Variants in SPAG5 observed in about 807,000 individuals in gnomAD.
The protein encoded by SPAG5 is sperm-associated antigen 5.
Under a neutral mutation model 145.4 loss-of-function variants are expected in SPAG5, and 99 were observed. The observed-to-expected ratio is 0.68, with a 90% confidence interval of 0.58 to 0.80. The LOEUF is 0.80. SPAG5 is among the 30% of genes least tolerant of loss of function. The pLI is 0.00. For missense variants in SPAG5, 1,192 were observed against 1,416.0 expected, an observed-to-expected ratio of 0.84 and a Z score of 2.54; for synonymous variants, 477 against 525.4, an observed-to-expected ratio of 0.91 and a Z score of 1.26.
intron 1 of SPAG5, 92 bp downstream of exon 1, chr17:28,598,804 G>T: frequency 6.5e-7 from 1 of 1,544,950 alleles, no homozygotes; most frequent in Non-Finnish European, 8.9e-7. Flanking sequence ...CCAACCCCGG[G>T]CTCGACCCAA....
At chr17:28,598,125 C>T (rs889709754) in intron 2 of SPAG5, among the ~76,000 whole-genome samples, 1 of 152,190 alleles carries the variant, frequency 6.6e-6, no homozygotes, top group African/African-American at 2.4e-5. Flanking sequence ...AGTGGTGTAA[C>T]TTGATCCCAG....
At position 28,579,804 on chromosome 17, in the gene SPAG5, C is replaced by T. The variant is rs2070538592; in HGVS notation, c.2831G>A (p.Ser944Asn). Residue 944 changes from serine to asparagine, a missense_variant, in exon 17 of 24, where the codon AGT (serine) becomes AAT (asparagine). Physicochemically the swap from Ser to Asn is conservative, Grantham distance 46 (BLOSUM62 1). Coordinates refer to ENST00000321765, the MANE Select transcript of SPAG5 (RefSeq NM_006461.4). ...PESTPVPLLGSDKSAFTRVAS... is the reference protein window; with the variant it reads ...PESTPVPLLGNDKSAFTRVAS... ...TACTCGGGTGAAAGCACTCTTGTCA[C>T]TTCCAAGCAAGGGCACAGGAGTTGA... 1 of 1,614,212 alleles carries T rather than the reference C, an allele frequency of 6.2e-7. No homozygotes were observed. Among genetic ancestry groups the T allele is most frequent in the Non-Finnish European group, 8.5e-7 (1 of 1,180,028 alleles).
In SPAG5 at chr17:28,577,722, C is replaced by G; in HGVS notation, c.3559G>C (p.Gly1187Arg). The change falls in exon 24 of 24, where the codon GGA becomes CGA. Residue 1187 changes from glycine (G) to arginine (R), a missense_variant. Coordinates refer to ENST00000321765, the MANE Select transcript of SPAG5 (RefSeq NM_006461.4). ...TCTTAGCTCAGAAATTCCAGCAATC[C>G]CTGTAGTTCTTTGCATCCCCTCACC... is the stretch of plus-strand genomic sequence containing the variant. The part of the protein sequence containing the change: ...EVVRGCKELQ[G>R]LLEFLS 6.2e-7 allele frequency: 1 copy of G among 1,613,850 alleles called. No homozygotes were observed. The highest frequency in any genetic ancestry group is 1.3e-5 in the African/African-American group (1 of 74,996).
At position 28,590,389 on chromosome 17, in the gene SPAG5, C is replaced by A. The variant is rs565572225; in HGVS notation, c.1437+1309G>T. Among the ~76,000 whole-genome samples, 13 of 152,118 alleles carry A rather than the reference C, an allele frequency of 8.5e-5. No homozygotes were observed. The South Asian group carries it at 2.7e-3, about 32-fold the overall frequency. On this transcript the variant is annotated intron_variant, in intron 4 of 23. Coordinates refer to ENST00000321765, the MANE Select transcript of SPAG5 (RefSeq NM_006461.4). The stretch of plus-strand genomic sequence containing the variant: ...GACTACAGGCACACACCACCACACC[C>A]AGCTAATTTTTGTATTTTTTTGTAG...
chr17:28,592,409 C>T lies in SPAG5; in HGVS notation c.835G>A (p.Glu279Lys). Residue 279 changes from glutamate (E) to lysine (K), a missense_variant, in exon 3 of 24, where the codon GAA (glutamate) becomes AAA (lysine). Physicochemically the swap from Glu to Lys is moderately conservative, Grantham distance 56. This residue lies in a region of SPAG5 where 329 missense variants were observed against 354.0 expected (regional missense o/e 0.93). Transcript: ENST00000321765. ...IVEHGAMEEREMRFPTHPKES... is the reference protein window; with the variant it reads ...IVEHGAMEERKMRFPTHPKES... ...TTAGGATGTGTGGGAAACCTCATTT[C>T]TCTTTCCTCCATAGCTCCATGCTCT... 1 of 1,614,010 alleles carries T rather than the reference C, an allele frequency of 6.2e-7. No individual in the cohort carries two copies.
At chr17:28,597,106 T>G (rs1290567539) in intron 2 of SPAG5, among the ~76,000 whole-genome samples, 1 of 149,960 alleles carries the variant, frequency 6.7e-6, no homozygotes, top group Non-Finnish European at 1.5e-5. Context: ...ATTAATTAAA[T>G]TAAATTAAAT....
In SPAG5 at chr17:28,578,489, G is replaced by A. The variant is rs200899064; in HGVS notation, c.3238C>T (p.Arg1080Trp). The change falls in exon 21 of 24, where the codon CGG (arginine) becomes TGG (tryptophan). Residue 1080 changes from arginine (R) to tryptophan (W), a missense_variant. Arg to Trp is a moderately radical substitution (Grantham distance 101). This residue lies in a region of SPAG5 where 709 missense variants were observed against 840.7 expected (regional missense o/e 0.84). Coordinates refer to ENST00000321765, the MANE Select transcript of SPAG5 (RefSeq NM_006461.4). ...ACTTTGGTCTCTGTCTCCGCACGCC[G>A]AAGTGAGCGGGTAAGGTGGGTCACC... ...EEVTHLTRSLRRAETETKVLQ... is the reference protein window; with the variant it reads ...EEVTHLTRSLWRAETETKVLQ... The A allele has an allele frequency of 2.7e-5, 44 of 1,612,346 alleles. No homozygotes were observed. The East Asian group carries it at 3.6e-4, about 13-fold the overall frequency.
intron 15 of SPAG5, 52 bp downstream of exon 15, chr17:28,583,459 T>A (rs1322745607): frequency 6.6e-7 from 1 of 1,506,922 alleles, no homozygotes; most frequent in East Asian, 2.3e-5. Context: ...GAAGACTATC[T>A]GTAAAATAAA....
intron 4 of SPAG5, among the ~76,000 whole-genome samples, chr17:28,590,463 C>CA (rs1196283544): frequency 1.3e-5 from 2 of 152,118 alleles, no homozygotes; most frequent in African/African-American, 4.8e-5. Context: ...CTCCTGAGCT[C>CA]AAGCGATCCT....
chr17:28,585,404 A>C lies in SPAG5; in HGVS notation c.1868T>G (p.Leu623Arg). 6.2e-7 allele frequency: 1 copy of C among 1,614,192 alleles called. No homozygotes were observed. Among genetic ancestry groups the C allele is most frequent in the South Asian group, 1.1e-5 (1 of 91,078 alleles). ...LKDAQTQLVG[L>R]HAKQEELVQQ... ...AACCAGCTCTTCTTGCTTGGCATGA[A>C]GCCCTACCTACAAAAGAAAGATTGC... Residue 623 changes from leucine (L) to arginine (R), a missense_variant, in exon 9 of 24, where the codon CTT becomes CGT. Leu to Arg is a moderately radical substitution (Grantham distance 102, BLOSUM62 -2). This residue lies in a region of SPAG5 where 709 missense variants were observed against 840.7 expected (regional missense o/e 0.84). Coordinates refer to ENST00000321765, the MANE Select transcript of SPAG5 (RefSeq NM_006461.4).
Position 28,591,852 on chromosome 17 carries a change from G to A in SPAG5, c.1283C>T (p.Ala428Val). The A allele has an allele frequency of 6.2e-7, 1 of 1,614,034 alleles. No homozygotes were observed. The highest frequency in any genetic ancestry group is 8.5e-7 in the Non-Finnish European group (1 of 1,179,996). Residue 428 changes from alanine to valine, a missense_variant, in exon 4 of 24, where the codon GCC becomes GTC. Ala to Val is a moderately conservative substitution (Grantham distance 64, BLOSUM62 0). This residue lies in a region of SPAG5 where 125 missense variants were observed against 143.8 expected (regional missense o/e 0.87). Coordinates refer to ENST00000321765, the MANE Select transcript of SPAG5 (RefSeq NM_006461.4). ...ATCTTCCAAGTCATGTCGAGACAAG[G>A]CAGTCAGATCTGGAGGCCGGCTGCA... ...LLCGRPPDLT[A>V]LSRHDLEDNL...
intron 2 of SPAG5, among the ~76,000 whole-genome samples, chr17:28,595,788 G>C (rs1481704301): frequency 6.6e-6 from 1 of 151,896 alleles, no homozygotes; most frequent in Non-Finnish European, 1.5e-5. Context: ...GCTCACGCCC[G>C]TAATCCCAGC....
Position 28,578,040 on chromosome 17 carries a change from T to C in SPAG5, c.3480A>G (p.Lys1160=). The C allele has an allele frequency of 6.2e-7, 1 of 1,614,084 alleles. No homozygotes were observed. Among genetic ancestry groups the C allele is most frequent in the East Asian group, 2.2e-5 (1 of 44,886 alleles). ...AAATATGCTGAACAATGTCATCTAG[T>C]TTTTCTAACTCCTTGTCAGAGCGCC... The part of the protein sequence containing the change: ...NLRRSDKELE[K]LDDIVQHIYK... The change falls in exon 23 of 24, where the codon AAA becomes AAG. Residue 1160 remains lysine (K), a synonymous_variant. Transcript: ENST00000321765.
chr17:28,579,811 G>C lies in SPAG5; in HGVS notation c.2824C>G (p.Leu942Val). 1 of 1,614,156 alleles carries C rather than the reference G, an allele frequency of 6.2e-7. No homozygotes were observed. The highest frequency in any genetic ancestry group is 8.5e-7 in the Non-Finnish European group (1 of 1,180,020). ...EEPESTPVPL[L>V]GSDKSAFTRV... ...GTGAAAGCACTCTTGTCACTTCCAA[G>C]CAAGGGCACAGGAGTTGATTCTGGC... Residue 942 changes from leucine (L) to valine (V), a missense_variant, in exon 17 of 24, where the codon CTT becomes GTT. Leu to Val is a conservative substitution (Grantham distance 32, BLOSUM62 1). Transcript: ENST00000321765.
rs773354584 is a variant in SPAG5, at chr17:28,584,168, G to A, written c.2394C>T (p.Asp798=). The change falls in exon 13 of 24, where the codon GAC becomes GAT. Residue 798 remains aspartate (D), a synonymous_variant. Transcript: ENST00000321765. The stretch of plus-strand genomic sequence containing the variant: ...TCCTTACCTCCAAGGTCTCTTTCAG[G>A]TCCCGCACCTCTTTGGCCAGGACAG... ...QQAVLAKEVR[D]LKETLEFADQ... The A allele has an allele frequency of 4.3e-6, 7 of 1,613,994 alleles. No homozygotes were observed. In the Admixed American group the frequency reaches 1.0e-4, roughly 23 times the overall value.
At chr17:28,579,526 C>A in intron 17 of SPAG5, 41 bp from the exon 18 acceptor site, 1 of 1,600,346 alleles carries the variant, frequency 6.2e-7, no homozygotes. Flanking sequence ...GCCTTCCAGC[C>A]CTGGAAGGAA....
At chr17:28,584,281 T>C (rs377322982) in intron 12 of SPAG5, 29 bp from the exon 13 acceptor site, 12 of 1,613,946 alleles carry the variant, frequency 7.4e-6, no homozygotes, top group Admixed American at 3.3e-5. Flanking sequence ...TAGATCCCAT[T>C]TGGTCCTAAA....
In SPAG5 at chr17:28,585,327, G is replaced by A. The variant is rs771941318; in HGVS notation, c.1945C>T (p.Gln649Ter). 1.2e-5 allele frequency: 19 copies of A among 1,613,958 alleles called. No homozygotes were observed. The highest frequency in any genetic ancestry group is 1.6e-5 in the Non-Finnish European group (19 of 1,179,796). The change falls in exon 9 of 24, where the codon CAA becomes TAA. Residue 649 changes from glutamine to a stop codon, truncating the protein, a stop_gained. Coordinates refer to ENST00000321765, the MANE Select transcript of SPAG5 (RefSeq NM_006461.4). LOFTEE classifies it high-confidence loss of function. ...TGGTCCCAAATACTCACATCCAGTT[G>A]CATGGACCTCCAGTCTTGTTGCAAG... ...STLQQDWRSM[Q>*]LDYTTWTALL...
At chr17:28,596,801 T>C (rs1317643892) in intron 2 of SPAG5, among the ~76,000 whole-genome samples, 2 of 152,182 alleles carry the variant, frequency 1.3e-5, no homozygotes, top group Non-Finnish European at 1.5e-5. Context: ...CATGTAGCTA[T>C]TGAAATTAAA....
Sources: allele counts gnomAD v4.1 joint callset (sites outside exome capture counted in the v4.1 genomes callset), GRCh38; gene constraint gnomAD v4.1.1; regional missense constraint gnomAD v4.1.1; transcripts MANE v1.5; gene names NCBI Gene and HGNC (gene_info 2026-07-23, HGNC 2026-07-21).